The following CTNNA2 variants were observed in gnomAD, a reference collection of about 807,000 sequenced individuals.
The protein encoded by CTNNA2 is catenin alpha-2.
Under a neutral mutation model 101.0 loss-of-function variants are expected in CTNNA2, and 42 were observed. That is an observed-to-expected ratio of 0.42 (90% confidence interval 0.32 to 0.54). The LOEUF is 0.54. CTNNA2 is among the 20% of genes least tolerant of loss of function. The pLI, the probability that CTNNA2 is intolerant of heterozygous loss-of-function variation, is 0.14. For synonymous variants in CTNNA2, 450 were observed against 456.4 expected (o/e 0.99, Z 0.18); for missense variants, 871 against 1,223.1 (o/e 0.71, Z 4.29).
Position 80,647,925 on chromosome 2 carries a change from CTTTTT to C in CTNNA2, c.*54_*58del, listed in dbSNP as rs1179940874. The C allele has an allele frequency of 1.0e-5, 15 of 1,505,032 alleles. No individual in the cohort carries two copies. The highest frequency in any genetic ancestry group is 5.5e-5 in the South Asian group (4 of 73,208). The allele number at this position is 1,505,032 out of a possible 1,614,324, so 93.2% of individuals were successfully genotyped here. A position where few individuals can be genotyped will look rare whatever the true frequency, so the allele number is the denominator to read the frequency against. On this transcript the variant is annotated 3_prime_UTR_variant, in exon 19 of 19. Transcript: ENST00000402739. Reference sequence around the variant, plus strand: ...TTCTTTCTTTTCTTTCTTTCTTTTTCTTTTTAATTCCATTTTTGTATGCATACCTG... The same window carrying C: ...TTCTTTCTTTTCTTTCTTTCTTTTTCAATTCCATTTTTGTATGCATACCTG...
chr2:79,503,723 C>G (rs1671352645), intron 4 of CTNNA2, among the ~76,000 whole-genome samples: 1 of 152,088 alleles, frequency 6.6e-6, no homozygotes, highest in African/African-American at 2.4e-5. Context: ...CCCCAATGCC[C>G]ACAATTGTAG....
At chr2:79,480,598 C>A (rs573460226) in intron 4 of CTNNA2, among the ~76,000 whole-genome samples, 4 of 152,192 alleles carry the variant, frequency 2.6e-5, no homozygotes, top group African/African-American at 9.6e-5. Flanking sequence ...TTTCTCATTT[C>A]TTTTTAATAT....
At chr2:80,032,778 T>C (rs771335476) in intron 7 of CTNNA2, among the ~76,000 whole-genome samples, 3 of 152,200 alleles carry the variant, frequency 2.0e-5, no homozygotes, top group Non-Finnish European at 2.9e-5. Flanking sequence ...GTTTTATGTA[T>C]GGCCTGTATG....
chr2:79,739,483 T>C (rs1340472862), intron 2 of CTNNA2, among the ~76,000 whole-genome samples: 3 of 152,216 alleles, frequency 2.0e-5, no homozygotes, highest in Admixed American at 2.0e-4. Flanking sequence ...AGTTTTTCTC[T>C]GTCAAGCTCT....
chr2:80,394,424 G>T (rs529987710), intron 8 of CTNNA2, among the ~76,000 whole-genome samples: 1 of 152,274 alleles, frequency 6.6e-6, no homozygotes, highest in African/African-American at 2.4e-5. Context: ...GAATATTCTA[G>T]CTCCCCAGCT....
chr2:80,303,535 A>C lies in CTNNA2; in HGVS notation c.1057-89676A>C. 6.2e-7 allele frequency: 1 copy of C among 1,614,234 alleles called. No individual in the cohort carries two copies. The highest frequency in any genetic ancestry group is 8.5e-7 in the Non-Finnish European group (1 of 1,180,048). On this transcript the variant is annotated intron_variant, in intron 7 of 18. Transcript: ENST00000402739. This position sits in a 1 kb window ranked among gnomAD's most constrained non-coding sequence, Gnocchi z 7.7. The stretch of plus-strand genomic sequence containing the variant: ...CGGAGCAGATGTGATTGTGATCCAG[A>C]TAGAGCCACGTGAGCTGCATTAACC...
chr2:79,839,093 T>C (rs1679609446), intron 3 of CTNNA2, among the ~76,000 whole-genome samples: 1 of 152,068 alleles, frequency 6.6e-6, no homozygotes, highest in African/African-American at 2.4e-5. Context: ...AAAAAGTAAA[T>C]TGTAATACTT....
At chr2:79,472,251 G>C (rs938397194) in intron 4 of CTNNA2, among the ~76,000 whole-genome samples, 1 of 152,198 alleles carries the variant, frequency 6.6e-6, no homozygotes, top group Non-Finnish European at 1.5e-5. Context: ...AGAACTGAAG[G>C]CTTGAGAATA....
intron 2 of CTNNA2, among the ~76,000 whole-genome samples, chr2:79,654,410 A>T (rs1177091826): frequency 1.3e-5 from 2 of 152,156 alleles, no homozygotes; most frequent in Non-Finnish European, 2.9e-5. Flanking sequence ...TGCCTGTTTC[A>T]GTGTCTGCAG....
At chr2:80,536,105 T>C (rs1013269295) in intron 9 of CTNNA2, among the ~76,000 whole-genome samples, 7 of 152,174 alleles carry the variant, frequency 4.6e-5, no homozygotes, top group Admixed American at 2.6e-4. Context: ...TCCATCTGTA[T>C]TATAGGAGTC....
intron 7 of CTNNA2, among the ~76,000 whole-genome samples, chr2:80,198,577 T>C (rs979419242): frequency 9.2e-5 from 14 of 152,220 alleles, no homozygotes; most frequent in Non-Finnish European, 1.3e-4. Flanking sequence ...AGTGTGCTTT[T>C]CAACATTCAA....
At chr2:79,580,719 T>G (rs1450472100) in intron 1 of CTNNA2, among the ~76,000 whole-genome samples, 2 of 152,184 alleles carry the variant, frequency 1.3e-5, no homozygotes, top group African/African-American at 4.8e-5. Flanking sequence ...TGAAGACAAG[T>G]GATCCTTAGT....
chr2:80,175,358 C>T (rs1705325152), intron 7 of CTNNA2, among the ~76,000 whole-genome samples: 1 of 152,162 alleles, frequency 6.6e-6, no homozygotes, highest in South Asian at 2.1e-4. Context: ...TATTTCTAGA[C>T]TGTAGGATCT....
At chr2:79,235,764 G>A (rs990926501) in intron 2 of CTNNA2, among the ~76,000 whole-genome samples, 3 of 152,168 alleles carry the variant, frequency 2.0e-5, no homozygotes, top group African/African-American at 7.2e-5. Flanking sequence ...CTGCTGTCCG[G>A]ATGCTTCACA....
intron 12 of CTNNA2, among the ~76,000 whole-genome samples, chr2:80,569,234 A>G (rs1352369433): frequency 6.6e-6 from 1 of 152,192 alleles, no homozygotes; most frequent in Non-Finnish European, 1.5e-5. Flanking sequence ...CACTAGAATG[A>G]TGCGACCTTG....
chr2:80,376,755 G>A (rs1675996401), intron 7 of CTNNA2, among the ~76,000 whole-genome samples: 2 of 152,148 alleles, frequency 1.3e-5, no homozygotes, highest in East Asian at 1.9e-4. Flanking sequence ...GGGCAGACAT[G>A]GAAAGCCTGC....
intron 2 of CTNNA2, among the ~76,000 whole-genome samples, chr2:79,682,910 C>CA (rs1683682111): frequency 6.6e-6 from 1 of 151,876 alleles, no homozygotes; most frequent in African/African-American, 2.4e-5. Flanking sequence ...TTCCTACTTG[C>CA]AAAAATACAA....
At chr2:79,251,807 C>T (rs917359566) in intron 2 of CTNNA2, among the ~76,000 whole-genome samples, 2 of 152,098 alleles carry the variant, frequency 1.3e-5, no homozygotes, top group Non-Finnish European at 2.9e-5. Flanking sequence ...AGCCAGTGGA[C>T]CCACCTAAGC....
At chr2:79,879,377 G>A (rs1177407480) in intron 6 of CTNNA2, among the ~76,000 whole-genome samples, 1 of 152,070 alleles carries the variant, frequency 6.6e-6, no homozygotes, top group East Asian at 1.9e-4. Flanking sequence ...TAGTTTGATG[G>A]AAGTAGCATT....
Sources: gnomAD v4.1 joint callset for allele counts (sites outside exome capture counted in the v4.1 genomes callset) on GRCh38, gnomAD v4.1.1 for gene constraint, Gnocchi (gnomAD v3.1) non-coding constraint, MANE v1.5 for transcripts, NCBI Gene and HGNC (gene_info 2026-07-23, HGNC 2026-07-21) for gene names.